MAPRE1: variants seen among roughly 807,000 people sequenced by gnomAD.
The protein encoded by MAPRE1 is microtubule associated protein RP/EB family member 1, also known as microtubule-associated protein RP/EB family member 1.
MAPRE1 carries 5 observed loss-of-function variants against 32.1 expected under a neutral mutation model. The observed-to-expected ratio is 0.16, with a 90% CI of 0.08 to 0.33. The LOEUF (loss-of-function observed/expected upper bound fraction) is 0.33. Among genes scored for constraint, MAPRE1 ranks in the 10% least tolerant of loss-of-function variants. MAPRE1 has a pLI of 1.00. For missense variants in MAPRE1, 209 were observed against 327.2 expected (o/e 0.64, Z 2.79); for synonymous variants, 122 against 118.9 (o/e 1.03, Z -0.17).
At chr20:32,830,319 G>C (rs1982980903) in intron 2 of MAPRE1, among the ~76,000 whole-genome samples, 1 of 152,128 alleles carries the variant, frequency 6.6e-6, no homozygotes, top group Admixed American at 6.6e-5. Context: ...CTGGGAGTGT[G>C]TTATCACACC....
At chr20:32,837,567 G>A (rs1015404431) in intron 4 of MAPRE1, among the ~76,000 whole-genome samples, 14 of 152,130 alleles carry the variant, frequency 9.2e-5, no homozygotes, top group African/African-American at 3.1e-4. Flanking sequence ...CCAGAGGATG[G>A]CAAGAATATT....
intron 3 of MAPRE1, among the ~76,000 whole-genome samples, chr20:32,834,659 A>C (rs1188996950): frequency 6.6e-6 from 1 of 152,116 alleles, no homozygotes; most frequent in South Asian, 2.1e-4. Flanking sequence ...TCTCTACAAT[A>C]TATAAAATAG....
chr20:32,829,787 G>T (rs188481764), intron 2 of MAPRE1, among the ~76,000 whole-genome samples: 3 of 152,338 alleles, frequency 2.0e-5, no homozygotes, highest in Non-Finnish European at 4.4e-5. Flanking sequence ...CCTTTGCTTG[G>T]CTCTGGTAGA....
chr20:32,842,875 AG>A lies in MAPRE1; in HGVS notation c.597+3022del, dbSNP rs563652380. On this transcript the variant is annotated intron_variant, in intron 5 of 6. Coordinates refer to ENST00000375571, the MANE Select transcript of MAPRE1 (RefSeq NM_012325.3). ...GTCTGAGGAGGCTTCCTTCCCTGAG[AG>A]GGTGACCAGAATTAGCTGCTTTGGA... Among the ~76,000 whole-genome samples the A allele has an allele frequency of 1.7e-3, 264 of 152,286 alleles. 1 individual carries two copies. Among genetic ancestry groups the A allele is most frequent in the African/African-American group, 5.8e-3 (242 of 41,570 alleles).
chr20:32,831,555 G>T (rs1488328924), intron 2 of MAPRE1, among the ~76,000 whole-genome samples: 3 of 149,604 alleles, frequency 2.0e-5, no homozygotes, highest in South Asian at 2.1e-4. Flanking sequence ...TTGAGACGGA[G>T]TCTTGCTCTG....
chr20:32,848,682 T>G lies in MAPRE1; in HGVS notation c.761T>G (p.Val254Gly). ...ATTTTCCTATTTCAGGAAGGCTTTG[T>G]GATACCTGATGAAGGGGGCCCACAG... ...DILYATDEGFVIPDEGGPQEE... is the reference protein window; with the variant it reads ...DILYATDEGFGIPDEGGPQEE... The change falls in exon 7 of 7, where the codon GTG becomes GGG. Residue 254 changes from valine (V) to glycine (G), a missense_variant. Physicochemically the swap from Val to Gly is moderately radical, Grantham distance 109. Transcript: ENST00000375571. 1 of 1,613,158 alleles carries G rather than the reference T, an allele frequency of 6.2e-7. No individual in the cohort carries two copies.
At chr20:32,822,488 G>A (rs1982729197) in intron 1 of MAPRE1, among the ~76,000 whole-genome samples, 1 of 152,202 alleles carries the variant, frequency 6.6e-6, no homozygotes, top group Non-Finnish European at 1.5e-5. Flanking sequence ...GGTGCTGGCA[G>A]GTCTCAGGCG....
chr20:32,831,947 CAAAA>C lies in MAPRE1; in HGVS notation c.122-1756_122-1753del, dbSNP rs58685497. Reference sequence around the variant, plus strand: ...GTTTTTAAAAAAAGTTCGTCCGTTTCAAAAAAAAAAAAAAAAACAAAAGAATGCC... The same window carrying C: ...GTTTTTAAAAAAAGTTCGTCCGTTTCAAAAAAAAAAAAACAAAAGAATGCC... On this transcript the variant is annotated intron_variant, in intron 2 of 6. Transcript: ENST00000375571. Among the ~76,000 whole-genome samples the C allele has an allele frequency of 7.2e-5, 8 of 111,620 alleles. No homozygotes were observed. The East Asian group carries it at 1.2e-3, about 16-fold the overall frequency. The allele number at this position is 111,620 out of a possible 152,430, so 73.2% of individuals were successfully genotyped here. A position where few individuals can be genotyped will look rare whatever the true frequency, so the allele number is the denominator to read the frequency against.
At chr20:32,827,618 C>T (rs765637433) in intron 2 of MAPRE1, among the ~76,000 whole-genome samples, 3 of 151,652 alleles carry the variant, frequency 2.0e-5, no homozygotes, top group Non-Finnish European at 4.4e-5. Flanking sequence ...ATTGCTTGGC[C>T]GGGTGTGGTG....
At chr20:32,840,008 G>A (rs1849255737) in intron 5 of MAPRE1, 152 bp downstream of exon 5, 2 of 1,079,568 alleles carry the variant, frequency 1.9e-6, no homozygotes, top group Non-Finnish European at 1.3e-6. Flanking sequence ...TGTGCGGGGA[G>A]CATGAACGTG....
chr20:32,824,726 T>C (rs1401943651), intron 1 of MAPRE1, among the ~76,000 whole-genome samples: 1 of 151,542 alleles, frequency 6.6e-6, no homozygotes, highest in African/African-American at 2.4e-5. Context: ...CCTCAACCTC[T>C]TGGACTCAGG....
At position 32,848,722 on chromosome 20, in the gene MAPRE1, G is replaced by A. The variant is rs760484496; in HGVS notation, c.801G>A (p.Glu267=). Residue 267 remains glutamate, a synonymous_variant, in exon 7 of 7, where the codon GAG becomes GAA. Coordinates refer to ENST00000375571, the MANE Select transcript of MAPRE1 (RefSeq NM_012325.3). Reference sequence around the variant, plus strand: ...GGGGCCCACAGGAGGAGCAAGAAGAGTATTAACAGCCTGGACCAGCAGAGC... The same window carrying A: ...GGGGCCCACAGGAGGAGCAAGAAGAATATTAACAGCCTGGACCAGCAGAGC... The part of the protein sequence containing the change: ...DEGGPQEEQE[E]Y 1.2e-6 allele frequency: 2 copies of A among 1,611,930 alleles called. No homozygotes were observed. The highest frequency in any genetic ancestry group is 2.7e-5 in the African/African-American group (2 of 74,822).
chr20:32,842,172 G>A (rs13433383), intron 5 of MAPRE1, among the ~76,000 whole-genome samples: 2,040 of 152,116 alleles, frequency 0.013, 44 homozygotes, highest in African/African-American at 0.047. Flanking sequence ...TGCAAGCTCC[G>A]CCTCCTGGGT....
chr20:32,847,848 G>C (rs1383217079), intron 6 of MAPRE1, among the ~76,000 whole-genome samples: 1 of 152,156 alleles, frequency 6.6e-6, no homozygotes, highest in Non-Finnish European at 1.5e-5. Context: ...TCATGAATCT[G>C]CTTTTTCCTT....
intron 1 of MAPRE1, among the ~76,000 whole-genome samples, chr20:32,820,502 A>G (rs1366824161): frequency 6.6e-6 from 1 of 152,016 alleles, no homozygotes; most frequent in African/African-American, 2.4e-5. Context: ...ACCGCTGTGG[A>G]TCTCAGCTTC....
intron 2 of MAPRE1, among the ~76,000 whole-genome samples, chr20:32,831,793 C>A (rs1340794109): frequency 6.6e-6 from 1 of 151,964 alleles, no homozygotes; most frequent in African/African-American, 2.4e-5. Context: ...CCTTGGCCTT[C>A]CAAAGTGTTG....
At chr20:32,829,571 G>A (rs1249084407) in intron 2 of MAPRE1, among the ~76,000 whole-genome samples, 1 of 152,216 alleles carries the variant, frequency 6.6e-6, no homozygotes, top group Non-Finnish European at 1.5e-5. Flanking sequence ...TTTTGATGCT[G>A]GTGCCAGATC....
At chr20:32,819,855 A>T (rs404543), upstream of MAPRE1, 104,149 of 149,982 alleles carry the variant, frequency 0.69, 37,928 homozygotes, top group East Asian at 1. Flanking sequence ...CGCGGCTGAG[A>T]CCCTCTCTAT....
intron 5 of MAPRE1, among the ~76,000 whole-genome samples, chr20:32,843,869 T>G (rs1983430240): frequency 6.6e-6 from 1 of 152,078 alleles, no homozygotes; most frequent in Non-Finnish European, 1.5e-5. Context: ...TTTTTTTCTT[T>G]TGGAGATGGA....
Sources: allele counts gnomAD v4.1 joint callset (sites outside exome capture counted in the v4.1 genomes callset), GRCh38; gene constraint gnomAD v4.1.1; transcripts MANE v1.5; gene names NCBI Gene and HGNC (gene_info 2026-07-23, HGNC 2026-07-21).